Variants in PLCH1 observed in about 807,000 individuals in gnomAD.
PLCH1 encodes the protein 1-phosphatidylinositol 4,5-bisphosphate phosphodiesterase eta-1.
In PLCH1, 60 loss-of-function variants were observed where a neutral mutation model predicts 126.7. The observed-to-expected ratio is 0.47, with a 90% CI of 0.38 to 0.59. The LOEUF is 0.59. Ranked by LOEUF, PLCH1 falls within the 20% of genes least tolerant of loss-of-function variation. The pLI, the probability that PLCH1 is intolerant of heterozygous loss-of-function variation, is 0.00. For missense variants in PLCH1, 1,723 were observed against 2,040.0 expected (o/e 0.84, Z 2.99); for synonymous variants, 719 against 734.9 (o/e 0.98, Z 0.35).
intron 21 of PLCH1, among the ~76,000 whole-genome samples, chr3:155,470,595 G>T (rs1351241392): frequency 6.6e-6 from 1 of 152,028 alleles, no homozygotes. Flanking sequence ...GATACTCCTC[G>T]AGAAGAGCAA....
chr3:155,647,543 T>A (rs1326264995), intron 2 of PLCH1, among the ~76,000 whole-genome samples: 1 of 151,760 alleles, frequency 6.6e-6, no homozygotes, highest in African/African-American at 2.4e-5. Flanking sequence ...AGAAAAAAGA[T>A]CCACAAAGAG....
At chr3:155,467,660 T>C (rs1359152828) in intron 21 of PLCH1, among the ~76,000 whole-genome samples, 3 of 151,844 alleles carry the variant, frequency 2.0e-5, no homozygotes, top group African/African-American at 7.3e-5. Context: ...GACTTTTCAG[T>C]GGAAACCTCA....
chr3:155,601,111 A>G (rs1337074419), intron 2 of PLCH1, among the ~76,000 whole-genome samples: 3 of 152,042 alleles, frequency 2.0e-5, no homozygotes, highest in Non-Finnish European at 4.4e-5. Context: ...AGTAGCTGGG[A>G]CTACAGGCAC....
intron 2 of PLCH1, among the ~76,000 whole-genome samples, chr3:155,684,757 C>A (rs984228285): frequency 4.6e-5 from 7 of 152,258 alleles, no homozygotes; most frequent in Admixed American, 4.6e-4. Flanking sequence ...AATTCCTAAA[C>A]TAAATTACTC....
At chr3:155,461,066 C>T (rs954312266) in intron 21 of PLCH1, among the ~76,000 whole-genome samples, 11 of 152,204 alleles carry the variant, frequency 7.2e-5, no homozygotes, top group African/African-American at 2.2e-4. Flanking sequence ...TAAATCTTCA[C>T]GGCCTTGCCC....
At chr3:155,611,902 G>T (rs1735145905) in intron 2 of PLCH1, among the ~76,000 whole-genome samples, 1 of 152,138 alleles carries the variant, frequency 6.6e-6, no homozygotes, top group African/African-American at 2.4e-5. Flanking sequence ...TAAATAATCT[G>T]CTCCAGAATG....
At chr3:155,528,371 T>A (rs940316692) in intron 10 of PLCH1, among the ~76,000 whole-genome samples, 1 of 152,250 alleles carries the variant, frequency 6.6e-6, no homozygotes, top group Non-Finnish European at 1.5e-5. Flanking sequence ...TTTCTATTTT[T>A]CTTTATTTTA....
At chr3:155,728,214 T>TTGC (rs1363856971) in intron 1 of PLCH1, among the ~76,000 whole-genome samples, 2 of 152,138 alleles carry the variant, frequency 1.3e-5, no homozygotes, top group Admixed American at 6.6e-5. Context: ...CGAGGGTGTG[T>TTGC]TGCTAAGAAG....
At chr3:155,488,850 G>C (rs773889491) in intron 19 of PLCH1, 44 bp from the exon 20 acceptor site, 19 of 1,556,472 alleles carry the variant, frequency 1.2e-5, no homozygotes, top group Non-Finnish European at 1.7e-5. Context: ...CAAAGGACTT[G>C]GCTGAAAATG....
At chr3:155,718,119 G>A (rs1428818614) in intron 1 of PLCH1, among the ~76,000 whole-genome samples, 1 of 152,066 alleles carries the variant, frequency 6.6e-6, no homozygotes, top group East Asian at 1.9e-4. Flanking sequence ...AGATCCCTAG[G>A]GCATGAACAG....
Position 155,580,350 on chromosome 3 carries a change from A to G in PLCH1, c.771+3122T>C, listed in dbSNP as rs899455863. Among the ~76,000 whole-genome samples, 5 of 152,200 alleles carry G rather than the reference A, an allele frequency of 3.3e-5. 1 individual carries two copies. Among genetic ancestry groups the G allele is most frequent in the Admixed American group, 3.3e-4 (5 of 15,276 alleles). The stretch of plus-strand genomic sequence containing the variant: ...TTCTTGCTAAAGCAAAACATTGAAG[A>G]CTCTGATCACCAAATTAATCTCACA... On this transcript the variant is annotated intron_variant, in intron 6 of 22. Coordinates refer to ENST00000460012, the MANE Select transcript of PLCH1 (RefSeq NM_014996.4).
At chr3:155,685,081 G>A (rs1413291911) in intron 2 of PLCH1, among the ~76,000 whole-genome samples, 1 of 152,182 alleles carries the variant, frequency 6.6e-6, no homozygotes, top group African/African-American at 2.4e-5. Context: ...AGAGTAGTGA[G>A]TACCAGGAAG....
At chr3:155,549,736 C>T (rs750968602) in intron 10 of PLCH1, 51 bp downstream of exon 10, 18 of 1,261,580 alleles carry the variant, frequency 1.4e-5, no homozygotes, top group Non-Finnish European at 2.0e-5. Flanking sequence ...TAAGGGAGGG[C>T]AGGCTTAGCT....
chr3:155,618,865 C>T (rs1302956375), intron 2 of PLCH1, among the ~76,000 whole-genome samples: 1 of 152,138 alleles, frequency 6.6e-6, no homozygotes, highest in African/African-American at 2.4e-5. Flanking sequence ...CCAAGATAAC[C>T]ATTGCAACCA....
chr3:155,485,946 A>G (rs1207731916), intron 21 of PLCH1: 2 of 602,654 alleles, frequency 3.3e-6, no homozygotes, highest in South Asian at 4.2e-5. Flanking sequence ...CTTTCCCAGA[A>G]GTTTCCTACC....
chr3:155,510,990 C>T (rs1158258673), intron 12 of PLCH1, among the ~76,000 whole-genome samples: 3 of 126,732 alleles, frequency 2.4e-5, no homozygotes, highest in Non-Finnish European at 4.8e-5. Context: ...CTTTCAGGTA[C>T]ACCAATCATA....
chr3:155,525,830 A>C (rs1234871217), intron 10 of PLCH1, among the ~76,000 whole-genome samples: 1 of 152,212 alleles, frequency 6.6e-6, no homozygotes, highest in East Asian at 1.9e-4. Flanking sequence ...GTGATTAAAA[A>C]ACAGCAAAAA....
chr3:155,474,932 TGGGGGGA>T (rs1713464730), downstream of PLCH1, among the ~76,000 whole-genome samples: 1 of 70,724 alleles, frequency 1.4e-5, no homozygotes, highest in African/African-American at 5.6e-5. Flanking sequence ...TGTGGTGGGG[TGGGGGGA>T]GGGGGGAGGG....
At chr3:155,703,975 G>GT (rs1746467111) in intron 2 of PLCH1, among the ~76,000 whole-genome samples, 171 bp downstream of exon 2, 1 of 152,176 alleles carries the variant, frequency 6.6e-6, no homozygotes, top group African/African-American at 2.4e-5. Context: ...CCTTACAAGT[G>GT]GAGATAGTAA....
Sources: allele counts gnomAD v4.1 joint callset (sites outside exome capture counted in the v4.1 genomes callset), GRCh38; gene constraint gnomAD v4.1.1; transcripts MANE v1.5; gene names NCBI Gene and HGNC (gene_info 2026-07-23, HGNC 2026-07-21).